Variants in B3GALT1 observed in about 807,000 individuals in gnomAD.
B3GALT1 encodes UDP-Gal:betaGlcNAc beta 1,3-galactosyltransferase, polypeptide 1.
B3GALT1 carries 10 observed loss-of-function variants against 23.2 expected under a neutral mutation model. The ratio of observed to expected loss-of-function variants is 0.43; its 90% confidence interval spans 0.27 to 0.73. B3GALT1 has a LOEUF of 0.73. Ranked by LOEUF, B3GALT1 falls within the 30% of genes least tolerant of loss-of-function variation. The probability of loss-of-function intolerance (pLI) is 0.21; values close to 1 mark genes in which losing one functional copy is unlikely to be tolerated. For synonymous variants in B3GALT1, 156 were observed against 141.5 expected (o/e 1.10, Z -0.73); for missense variants, 299 against 405.4 (o/e 0.74, Z 2.25).
At chr2:167,632,438 A>G (rs1429070772) in intron 2 of B3GALT1, among the ~76,000 whole-genome samples, 1 of 151,902 alleles carries the variant, frequency 6.6e-6, no homozygotes, top group African/African-American at 2.4e-5. Context: ...CTATTTCTCA[A>G]CATCCTCTCT....
At chr2:167,352,545 C>T (rs1028548170) in intron 1 of B3GALT1, among the ~76,000 whole-genome samples, 13 of 147,356 alleles carry the variant, frequency 8.8e-5, no homozygotes, top group Middle Eastern at 7.1e-3. Context: ...GGTGAAACTC[C>T]GTCTCTACTA....
intron 2 of B3GALT1, among the ~76,000 whole-genome samples, chr2:167,643,749 C>G (rs1232796035): frequency 2.0e-5 from 3 of 152,132 alleles, no homozygotes; most frequent in African/African-American, 7.2e-5. Flanking sequence ...TATCTGTTTA[C>G]AAATGTATAA....
chr2:167,549,363 C>T (rs1683705029), intron 2 of B3GALT1, among the ~76,000 whole-genome samples: 1 of 152,160 alleles, frequency 6.6e-6, no homozygotes, highest in South Asian at 2.1e-4. Context: ...CCCTGGCCTG[C>T]AGAACATATG....
intron 3 of B3GALT1, among the ~76,000 whole-genome samples, chr2:167,698,788 A>G (rs1686826131): frequency 1.3e-5 from 2 of 152,226 alleles, no homozygotes; most frequent in African/African-American, 2.4e-5. Flanking sequence ...CCGTTCAATA[A>G]GTCTTTGGCC....
At chr2:167,746,663 T>TA (rs1687657571) in intron 3 of B3GALT1, among the ~76,000 whole-genome samples, 1 of 152,234 alleles carries the variant, frequency 6.6e-6, no homozygotes, top group African/African-American at 2.4e-5. Flanking sequence ...TAATATCTGG[T>TA]AAATAGCTCT....
At chr2:167,747,590 A>G (rs1008917514) in intron 3 of B3GALT1, among the ~76,000 whole-genome samples, 1 of 152,210 alleles carries the variant, frequency 6.6e-6, no homozygotes, top group Non-Finnish European at 1.5e-5. Context: ...AAACTCATCT[A>G]ATTCACAGTT....
chr2:167,413,055 C>A (rs1366411855), intron 1 of B3GALT1, among the ~76,000 whole-genome samples: 1 of 151,996 alleles, frequency 6.6e-6, no homozygotes, highest in Non-Finnish European at 1.5e-5. Context: ...CAGAAAGGGG[C>A]TTCTGGGATT....
intron 1 of B3GALT1, among the ~76,000 whole-genome samples, chr2:167,308,363 C>G (rs529166464): frequency 1.3e-5 from 2 of 151,972 alleles, no homozygotes; most frequent in East Asian, 3.9e-4. Context: ...CTGAGCAGGC[C>G]TAGGGTAGTC....
intron 1 of B3GALT1, among the ~76,000 whole-genome samples, chr2:167,428,434 G>A (rs182509803): frequency 4.6e-5 from 7 of 152,288 alleles, no homozygotes; most frequent in South Asian, 2.1e-4. Flanking sequence ...CAGCACTTTG[G>A]GGGGCTGAGG....
intron 1 of B3GALT1, among the ~76,000 whole-genome samples, chr2:167,366,256 A>G (rs1230441983): frequency 2.6e-5 from 4 of 152,230 alleles, no homozygotes; most frequent in Admixed American, 2.0e-4. Context: ...GATGAAAAAA[A>G]TTAAGTTACC....
chr2:167,469,748 C>T (rs925097828), intron 1 of B3GALT1, among the ~76,000 whole-genome samples: 4 of 151,998 alleles, frequency 2.6e-5, no homozygotes, highest in African/African-American at 4.8e-5. Flanking sequence ...CACTGGAAAG[C>T]GGTTTCTAAT....
chr2:167,704,480 T>G (rs191555308), intron 3 of B3GALT1, among the ~76,000 whole-genome samples: 67 of 152,106 alleles, frequency 4.4e-4, no homozygotes, highest in African/African-American at 1.6e-3. Context: ...TTTGCAAAAA[T>G]AGTATCATAC....
At chr2:167,745,801 T>A (rs1687643490) in intron 3 of B3GALT1, among the ~76,000 whole-genome samples, 1 of 152,220 alleles carries the variant, frequency 6.6e-6, no homozygotes, top group African/African-American at 2.4e-5. Context: ...TTCCATTATC[T>A]ATCTGTGGAT....
chr2:167,559,281 A>G (rs1419921991), intron 2 of B3GALT1, among the ~76,000 whole-genome samples: 1 of 152,202 alleles, frequency 6.6e-6, no homozygotes, highest in East Asian at 1.9e-4. Flanking sequence ...AACAAACAGG[A>G]CATCCACACC....
intron 4 of B3GALT1, among the ~76,000 whole-genome samples, chr2:167,843,964 G>A (rs950844435): frequency 1.3e-5 from 2 of 152,178 alleles, no homozygotes; most frequent in African/African-American, 4.8e-5. Context: ...AATGTCATCT[G>A]TCCCTATATT....
chr2:167,298,933 G>A (rs1696401941), intron 1 of B3GALT1, among the ~76,000 whole-genome samples: 1 of 151,800 alleles, frequency 6.6e-6, no homozygotes, highest in African/African-American at 2.4e-5. Context: ...GATAATGAGA[G>A]AATTTTAAAC....
chr2:167,809,938 C>G (rs945620094), intron 3 of B3GALT1, among the ~76,000 whole-genome samples: 29 of 152,210 alleles, frequency 1.9e-4, no homozygotes, highest in African/African-American at 6.3e-4. Context: ...CCACCCAGTT[C>G]GAGCTTCCTG....
chr2:167,576,130 C>T (rs1684376959), intron 2 of B3GALT1, among the ~76,000 whole-genome samples: 2 of 151,706 alleles, frequency 1.3e-5, no homozygotes, highest in South Asian at 2.1e-4. Context: ...ATGTTTGCTC[C>T]AGGTGATTTT....
chr2:167,364,185 AAGG>A (rs1358868457), intron 1 of B3GALT1, among the ~76,000 whole-genome samples: 1 of 131,684 alleles, frequency 7.6e-6, no homozygotes, highest in East Asian at 2.4e-4. Context: ...AAAAAAAAAA[AAGG>A]AAGAAAAGAA....
Sources: gnomAD v4.1 joint callset for allele counts (sites outside exome capture counted in the v4.1 genomes callset) on GRCh38, gnomAD v4.1.1 for gene constraint, MANE v1.5 for transcripts, NCBI Gene and HGNC (gene_info 2026-07-23, HGNC 2026-07-21) for gene names.